The following SIL1 variants were observed in gnomAD, a reference collection of about 807,000 sequenced individuals.
SIL1 encodes nucleotide exchange factor SIL1.
In SIL1, 40 loss-of-function variants were observed where a neutral mutation model predicts 49.1. That is an observed-to-expected ratio of 0.81 (90% confidence interval 0.63 to 1.06). The LOEUF (loss-of-function observed/expected upper bound fraction) is 1.06, where lower values mean the gene tolerates loss of function less well. Ranked by LOEUF, SIL1 falls within the 50% of genes least tolerant of loss-of-function variation. The pLI, the probability that SIL1 is intolerant of heterozygous loss-of-function variation, is 0.00. For missense variants in SIL1, 500 were observed against 572.6 expected (o/e 0.87, Z 1.29); for synonymous variants, 253 against 250.8 (o/e 1.01, Z -0.08).
At chr5:139,189,098 G>A (rs756845082) in intron 1 of SIL1, among the ~76,000 whole-genome samples, 2 of 152,146 alleles carry the variant, frequency 1.3e-5, no homozygotes, top group Non-Finnish European at 2.9e-5. Context: ...CTGAAACTAC[G>A]ACGTGGCTCA....
intron 1 of SIL1, among the ~76,000 whole-genome samples, chr5:139,186,079 C>G (rs896195048): frequency 6.6e-6 from 1 of 152,178 alleles, no homozygotes; most frequent in Non-Finnish European, 1.5e-5. Flanking sequence ...CCAGGCCCTT[C>G]AAAGTAGCCA....
intron 7 of SIL1, among the ~76,000 whole-genome samples, chr5:139,007,891 A>C (rs1207356238): frequency 6.7e-6 from 1 of 148,608 alleles, no homozygotes; most frequent in East Asian, 2.0e-4. Flanking sequence ...TTTTGCATCA[A>C]TGTTCATCAA....
intron 3 of SIL1, among the ~76,000 whole-genome samples, chr5:139,086,757 C>T (rs938627788): frequency 1.3e-5 from 2 of 151,362 alleles, no homozygotes; most frequent in Non-Finnish European, 1.5e-5. Flanking sequence ...GTCAGGTGTT[C>T]GAGACCAGCC....
intron 7 of SIL1, among the ~76,000 whole-genome samples, chr5:138,957,307 A>G (rs1448353285): frequency 6.6e-6 from 1 of 151,906 alleles, no homozygotes; most frequent in African/African-American, 2.4e-5. Flanking sequence ...GTGGTGGCTC[A>G]TGCCTGTAAT....
intron 3 of SIL1, among the ~76,000 whole-genome samples, chr5:139,098,809 C>CTTTTTTTTTTTTTTTTTTT (rs59863544): frequency 3.4e-5 from 3 of 89,048 alleles, no homozygotes; most frequent in Non-Finnish European, 4.2e-5. Context: ...TTTTCTTACT[C>CTTTTTTTTTTTTTTTTTTT]TTTTTTTTTT....
intron 4 of SIL1, among the ~76,000 whole-genome samples, chr5:139,047,056 G>A (rs934227743): frequency 2.6e-5 from 4 of 152,202 alleles, no homozygotes; most frequent in Non-Finnish European, 4.4e-5. Context: ...AATGGAGGAA[G>A]TAAATGGCCC....
At chr5:138,971,917 C>T (rs993679161) in intron 7 of SIL1, among the ~76,000 whole-genome samples, 2 of 152,186 alleles carry the variant, frequency 1.3e-5, no homozygotes, top group Admixed American at 1.3e-4. Context: ...CACTGGGCTC[C>T]AACCAACAGG....
At chr5:139,062,142 G>A (rs879729936) in intron 3 of SIL1, among the ~76,000 whole-genome samples, 1 of 152,074 alleles carries the variant, frequency 6.6e-6, no homozygotes, top group African/African-American at 2.4e-5. Context: ...GGACTTGAAC[G>A]GAACCAGTAA....
intron 3 of SIL1, among the ~76,000 whole-genome samples, chr5:139,100,042 C>A (rs1299219407): frequency 2.0e-5 from 3 of 152,128 alleles, no homozygotes; most frequent in African/African-American, 7.2e-5. Context: ...TCATGTACCT[C>A]ATAAATATAT....
At chr5:138,966,032 G>A (rs1227168298) in intron 7 of SIL1, among the ~76,000 whole-genome samples, 1 of 151,982 alleles carries the variant, frequency 6.6e-6, no homozygotes, top group Non-Finnish European at 1.5e-5. Flanking sequence ...TACTTATACA[G>A]ATGAGGACCC....
chr5:139,089,566 T>C (rs1770296809), intron 3 of SIL1, among the ~76,000 whole-genome samples: 1 of 152,234 alleles, frequency 6.6e-6, no homozygotes, highest in Non-Finnish European at 1.5e-5. Flanking sequence ...AGCAGATGAA[T>C]AAACAAATTT....
At position 138,947,465 on chromosome 5, in the gene SIL1, G is replaced by C. The variant is rs371273360; in HGVS notation, c.1038C>G (p.Ala346=). The C allele has an allele frequency of 1.9e-6, 3 of 1,613,276 alleles. No individual in the cohort carries two copies. Among genetic ancestry groups the C allele is most frequent in the Non-Finnish European group, 2.5e-6 (3 of 1,179,956 alleles). ...LYDLVTEKMF[A]EEEAELTQEM... is the part of the protein sequence containing the mutation. ...CCTGGGTCAGCTCAGCCTCCTCCTC[G>C]GCGAACATCTGCCATCCGCCACAGC... Residue 346 remains alanine (A), a synonymous_variant, in exon 10 of 10, where the codon GCC becomes GCG. Transcript: ENST00000394817. This position sits in a 1 kb window ranked among gnomAD's most constrained non-coding sequence, Gnocchi z 4.1.
chr5:139,002,699 A>C (rs1768013979), intron 7 of SIL1, among the ~76,000 whole-genome samples: 1 of 152,140 alleles, frequency 6.6e-6, no homozygotes, highest in African/African-American at 2.4e-5. Flanking sequence ...AATGAATCAA[A>C]TCAACTTTGC....
At chr5:139,056,515 G>A (rs1380283302) in intron 3 of SIL1, among the ~76,000 whole-genome samples, 2 of 148,816 alleles carry the variant, frequency 1.3e-5, no homozygotes, top group Admixed American at 6.6e-5. Flanking sequence ...TCAGCCCCCC[G>A]CCAGGCCAGC....
chr5:139,157,855 A>G (rs1751433678), intron 1 of SIL1, among the ~76,000 whole-genome samples: 1 of 152,188 alleles, frequency 6.6e-6, no homozygotes, highest in Non-Finnish European at 1.5e-5. Flanking sequence ...GTAGTACAAT[A>G]ATAGTTAATT....
At position 138,990,659 on chromosome 5, in the gene SIL1, C is replaced by T. The variant is rs527389222; in HGVS notation, c.767+30512G>A. ...TCCAGGCTGGTCCCAAATTCCAGGGCTCAAGTGATCCTCTCACCTCAGTCT... is the reference window on the plus strand; with the variant it reads ...TCCAGGCTGGTCCCAAATTCCAGGGTTCAAGTGATCCTCTCACCTCAGTCT... On this transcript the variant is annotated intron_variant, in intron 7 of 9. Coordinates refer to ENST00000394817, the MANE Select transcript of SIL1 (RefSeq NM_022464.5). Among the ~76,000 whole-genome samples the T allele has an allele frequency of 4.5e-4, 69 of 152,234 alleles. 1 individual carries two copies. The South Asian group carries it at 0.014, about 30-fold the overall frequency.
intron 3 of SIL1, among the ~76,000 whole-genome samples, chr5:139,107,044 A>G (rs1770729325): frequency 6.6e-6 from 1 of 152,238 alleles, no homozygotes; most frequent in African/African-American, 2.4e-5. Flanking sequence ...TCAGCCCTGC[A>G]GAGAGTCCTA....
intron 7 of SIL1, among the ~76,000 whole-genome samples, chr5:139,018,590 C>CAAAA (rs34450224): frequency 1.3e-4 from 9 of 69,884 alleles, no homozygotes; most frequent in Middle Eastern, 7.5e-3. Context: ...GACCCTGACT[C>CAAAA]AAAAAAAAAA....
At chr5:138,973,493 G>A (rs889759439) in intron 7 of SIL1, among the ~76,000 whole-genome samples, 2 of 151,932 alleles carry the variant, frequency 1.3e-5, no homozygotes, top group South Asian at 4.1e-4. Context: ...ACAGGGTCTC[G>A]CCCTGTCACC....
Sources: gnomAD v4.1 joint callset for allele counts (sites outside exome capture counted in the v4.1 genomes callset) on GRCh38, gnomAD v4.1.1 for gene constraint, Gnocchi (gnomAD v3.1) non-coding constraint, MANE v1.5 for transcripts, NCBI Gene and HGNC (gene_info 2026-07-23, HGNC 2026-07-21) for gene names.